The following IGF2 variants were observed in gnomAD, a reference collection of about 807,000 sequenced individuals.
IGF2 encodes insulin-like growth factor 2.
IGF2 carries 2 observed loss-of-function variants against 12.0 expected under a neutral mutation model. That is an observed-to-expected ratio of 0.17 (90% CI 0.07 to 0.52). IGF2 has a LOEUF of 0.52. Ranked by LOEUF, IGF2 falls within the 20% of genes least tolerant of loss-of-function variation. IGF2 has a pLI of 0.95. For missense variants in IGF2, 211 were observed against 268.0 expected (o/e 0.79, Z 1.48); for synonymous variants, 105 against 110.1 (o/e 0.95, Z 0.29).
intron 1 of IGF2, among the ~76,000 whole-genome samples, chr11:2,137,482 T>A (rs913750713): frequency 3.6e-4 from 53 of 149,280 alleles, no homozygotes; most frequent in African/African-American, 1.3e-3. Flanking sequence ...CGAAGTGCCA[T>A]GGGCTCCCAT....
chr11:2,135,314 C>T (rs571452406), intron 2 of IGF2, 53 bp downstream of exon 2: 12 of 1,463,988 alleles, frequency 8.2e-6, no homozygotes, highest in Middle Eastern at 1.8e-4. Context: ...GCGTCCTCAC[C>T]GGTCACTCTA....
At chr11:2,140,479 T>C, upstream of IGF2, 1 of 595,750 alleles carries the variant, frequency 1.7e-6, no homozygotes, top group Non-Finnish European at 2.9e-6. Flanking sequence ...ATCAATCACT[T>C]CGCCCGCGCT....
chr11:2,144,014 C>T (rs1447126686), upstream of IGF2, among the ~76,000 whole-genome samples: 1 of 152,176 alleles, frequency 6.6e-6, no homozygotes, highest in East Asian at 1.9e-4. Context: ...GCAGGTAGCG[C>T]GGAGCGCCCT....
In IGF2 at chr11:2,131,138, G is replaced by C. The variant is rs1858517299; in HGVS notation, c.*1849C>G. 1 of 233,014 alleles carries C rather than the reference G, an allele frequency of 4.3e-6. No homozygotes were observed. The highest frequency in any genetic ancestry group is 8.5e-6 in the Non-Finnish European group (1 of 117,976). The allele number at this position is 233,014 out of a possible 1,614,324, so 14.4% of individuals were successfully genotyped here. On this transcript the variant is annotated 3_prime_UTR_variant, in exon 4 of 4. Coordinates refer to ENST00000416167, the MANE Select transcript of IGF2 (RefSeq NM_000612.6). ...GGCGCCAAGGAGGCCAGCCTCACAAGGGCATCTCTGTCATGGTGGAAAGAT... is the reference window on the plus strand; with the variant it reads ...GGCGCCAAGGAGGCCAGCCTCACAACGGCATCTCTGTCATGGTGGAAAGAT...
chr11:2,135,465 G>A lies in IGF2; in HGVS notation c.59C>T (p.Ser20Leu), dbSNP rs142012621. The A allele has an allele frequency of 1.1e-4, 185 of 1,613,796 alleles. 1 individual carries two copies. The highest frequency in any genetic ancestry group is 5.0e-4 in the Middle Eastern group (3 of 6,056). The change falls in exon 2 of 4, where the codon TCG (serine) becomes TTG (leucine). Residue 20 changes from serine (S) to leucine (L), a missense_variant. By Grantham distance (145) the Ser-to-Leu change is moderately radical. Around this residue, in one of 3 missense-constraint regions of IGF2, gnomAD observed 40 missense variants for 35.7 expected, o/e 1.12. Transcript: ENST00000416167. ...LVLLTFLAFA[S>L]CCIAAYRPSE... ...GGGGCGGTAAGCAGCAATGCAGCAC[G>A]AGGCGAAGGCCAAGAAGGTGAGAAG... is the stretch of plus-strand genomic sequence containing the variant.
intron 2 of IGF2, among the ~76,000 whole-genome samples, chr11:2,135,079 G>A (rs1341394386): frequency 6.6e-6 from 1 of 152,202 alleles, no homozygotes; most frequent in Non-Finnish European, 1.5e-5. Context: ...GAGCCTCACG[G>A]CCCCCAACAG....
At position 2,137,691 on chromosome 11, in the gene IGF2, G is replaced by A. The variant is rs1859177129; in HGVS notation, c.-7+538C>T. On this transcript the variant is annotated intron_variant, in intron 1 of 3. Transcript: ENST00000416167. ...GGGACTCCTGTTTGGAAATGTTGCG[G>A]ACAGAGCCAGAGGGGGTGTGGGGGA... Among the ~76,000 whole-genome samples the A allele has an allele frequency of 3.3e-5, 5 of 152,302 alleles. No homozygotes were observed. The South Asian group carries it at 1.0e-3, about 32-fold the overall frequency.
At chr11:2,149,000 G>A in the IGF2 span, 1 of 883,558 alleles carries the variant, frequency 1.1e-6, no homozygotes, top group Non-Finnish European at 1.8e-6. The surrounding 1 kb of genome is among the most constrained non-coding windows in gnomAD (Gnocchi z 4.3). Context: ...CCCTCCAGCA[G>A]CAGAAGTTCT....
chr11:2,146,064 G>A (rs1859915307), upstream of IGF2, among the ~76,000 whole-genome samples: 1 of 152,032 alleles, frequency 6.6e-6, no homozygotes, highest in Admixed American at 6.5e-5. Flanking sequence ...ACCTCACCAG[G>A]GCAACGCTGG....
chr11:2,147,487 G>A, the IGF2 span: 1 of 553,242 alleles, frequency 1.8e-6, no homozygotes, highest in East Asian at 3.5e-5. The surrounding 1 kb of genome is among the most constrained non-coding windows in gnomAD (Gnocchi z 7.2). Flanking sequence ...CTTGCAGAAG[G>A]GGGAGATCCC....
chr11:2,137,190 A>G, intron 1 of IGF2: 1 of 986,188 alleles, frequency 1.0e-6, no homozygotes, highest in Non-Finnish European at 1.2e-6. Context: ...CTGGTTACCT[A>G]CAGCTCAGCA....
Position 2,131,800 on chromosome 11 carries a change from T to TGTGTGCATGTGTGTGCGTGTGCTGTGC in IGF2, c.*1186_*1187insGCACAGCACACGCACACACATGCACAC, listed in dbSNP as rs1858598592. 1 of 160,706 alleles carries TGTGTGCATGTGTGTGCGTGTGCTGTGC rather than the reference T, an allele frequency of 6.2e-6. No homozygotes were observed. Among genetic ancestry groups the TGTGTGCATGTGTGTGCGTGTGCTGTGC allele is most frequent in the African/African-American group, 2.9e-5 (1 of 34,788 alleles). 10.0% of individuals were successfully genotyped at this position (160,706 alleles called of 1,614,324 possible). ...TGTGTGTGCTGTGTGCTAGTGTGTGTGCTGTGTGTGCATGTGTGTGCGTGT... is the reference window on the plus strand; with the variant it reads ...TGTGTGTGCTGTGTGCTAGTGTGTGTGTGTGCATGTGTGTGCGTGTGCTGTGCGCTGTGTGTGCATGTGTGTGCGTGT... On this transcript the variant is annotated 3_prime_UTR_variant, in exon 4 of 4. Transcript: ENST00000416167.
Position 2,130,924 on chromosome 11 carries a change from TCTTC to T in IGF2, c.*2059_*2062del, listed in dbSNP as rs1012284452. On this transcript the variant is annotated 3_prime_UTR_variant, in exon 4 of 4. Coordinates refer to ENST00000416167, the MANE Select transcript of IGF2 (RefSeq NM_000612.6). ...TGCTCCGGTGGGGGGGTCCCCAAGA[TCTTC>T]CTTCCAGGAGCACACCAGGGAGTCA... The T allele has an allele frequency of 3.2e-5, 7 of 216,270 alleles. No homozygotes were observed. The highest frequency in any genetic ancestry group is 1.4e-4 in the African/African-American group (6 of 44,152). 13.4% of individuals were successfully genotyped at this position (216,270 alleles called of 1,614,324 possible). A position where few individuals can be genotyped will look rare whatever the true frequency, so the allele number is the denominator to read the frequency against.
the IGF2 span, chr11:2,149,449 G>T: frequency 1.0e-6 from 1 of 964,450 alleles, no homozygotes; most frequent in South Asian, 1.5e-5. Flanking sequence ...AATGCCAACT[G>T]AAATGATGGG....
At chr11:2,137,711 G>T (rs1195630031) in intron 1 of IGF2, among the ~76,000 whole-genome samples, 2 of 152,152 alleles carry the variant, frequency 1.3e-5, no homozygotes, top group African/African-American at 2.4e-5. Flanking sequence ...GAGGGGGTGT[G>T]GGGGAGATGT....
chr11:2,146,537 G>C, the IGF2 span: 1 of 400,550 alleles, frequency 2.5e-6, no homozygotes, highest in Non-Finnish European at 5.1e-6. Context: ...AGTACGTGGG[G>C]GATATGGGTC....
At position 2,133,546 on chromosome 11, in the gene IGF2, C is replaced by T. The variant is rs750845881; in HGVS notation, c.277G>A (p.Asp93Asn). The change falls in exon 3 of 4, where the codon GAC (aspartate) becomes AAC (asparagine). Residue 93 changes from aspartate to asparagine, a missense_variant. By Grantham distance (23) the Asp-to-Asn change is conservative (BLOSUM62 1). Around this residue, in one of 3 missense-constraint regions of IGF2, gnomAD observed 141 missense variants for 153.1 expected, o/e 0.92. Coordinates refer to ENST00000416167, the MANE Select transcript of IGF2 (RefSeq NM_000612.6). The surrounding 1 kb of genome is among the most constrained non-coding windows in gnomAD (Gnocchi z 8.9). ...YCATPAKSER[D>N]VSTPPTVLPD... ...AGCACGGTCGGAGGGGTCGACACGT[C>T]CCTCTCGGACTTGGCGGGGGTAGCA... 1.2e-6 allele frequency: 2 copies of T among 1,612,832 alleles called. No individual in the cohort carries two copies. Among genetic ancestry groups the T allele is most frequent in the Admixed American group, 3.3e-5 (2 of 59,992 alleles).
upstream of IGF2, among the ~76,000 whole-genome samples, chr11:2,141,781 T>C (rs898518665): frequency 6.6e-6 from 1 of 152,148 alleles, no homozygotes; most frequent in African/African-American, 2.4e-5. Flanking sequence ...AAGCACTGTC[T>C]AGATTTTGGG....
At chr11:2,141,762 G>T (rs1859614366), upstream of IGF2, among the ~76,000 whole-genome samples, 1 of 152,202 alleles carries the variant, frequency 6.6e-6, no homozygotes, top group Non-Finnish European at 1.5e-5. Flanking sequence ...ACCCTTCAGA[G>T]ATGGAAGAAA....
Sources: gnomAD v4.1 joint callset for allele counts (sites outside exome capture counted in the v4.1 genomes callset) on GRCh38, gnomAD v4.1.1 for gene constraint, gnomAD v4.1.1 regional missense constraint, Gnocchi (gnomAD v3.1) non-coding constraint, MANE v1.5 for transcripts, NCBI Gene and HGNC (gene_info 2026-07-23, HGNC 2026-07-21) for gene names.